LMNTD2: variants seen among roughly 807,000 people sequenced by gnomAD.
LMNTD2 encodes the protein lamin tail domain-containing protein 2.
In LMNTD2, 83 loss-of-function variants were observed where a neutral mutation model predicts 70.1. The ratio of observed to expected loss-of-function variants is 1.18; its 90% CI spans 0.99 to 1.42. LMNTD2 has a LOEUF of 1.42. LMNTD2 is among the 40% of genes most tolerant of loss of function. LMNTD2 has a pLI of 0.00. For synonymous variants in LMNTD2, 534 were observed against 406.1 expected (o/e 1.31, Z -3.79); for missense variants, 1,153 against 905.9 (o/e 1.27, Z -3.50).
Position 555,914 on chromosome 11 carries a change from C to T in LMNTD2, c.1394G>A (p.Arg465Gln), listed in dbSNP as rs758140960. The change falls in exon 12 of 14, where the codon CGG becomes CAG. Residue 465 changes from arginine (R) to glutamine (Q), a missense_variant. Arg to Gln is a conservative substitution (Grantham distance 43). Transcript: ENST00000329451. ...GGCCGGAGTCTCGCGGCGTGGGATC[C>T]GGTGCTCACTGAGGACCTGCGGGGC... Reference protein sequence around the residue: ...SPKGEVLSEHRIPRRETPAPR... With the variant: ...SPKGEVLSEHQIPRRETPAPR... 11 of 1,564,786 alleles carry T rather than the reference C, an allele frequency of 7.0e-6. No individual in the cohort carries two copies. Among genetic ancestry groups the T allele is most frequent in the South Asian group, 6.9e-5 (6 of 86,626 alleles).
Position 555,304 on chromosome 11 carries a change from C to T in LMNTD2, c.1773+1G>A. 7.1e-7 allele frequency: 1 copy of T among 1,413,408 alleles called. No homozygotes were observed. The allele number at this position is 1,413,408 out of a possible 1,614,324, so 87.6% of individuals were successfully genotyped here. On this transcript the variant is annotated splice_donor_variant, in intron 13 of 13. Coordinates refer to ENST00000329451, the MANE Select transcript of LMNTD2 (RefSeq NM_173573.3). LOFTEE classifies it high-confidence loss of function. ...GGGCGCACCCGCAAGCGCGCACTCA[C>T]CCGAACTCGGTGTTCTTTCTGGAGC...
intron 7 of LMNTD2, 36 bp from the exon 8 acceptor site, chr11:557,133 T>C: frequency 6.5e-7 from 1 of 1,546,274 alleles, no homozygotes; most frequent in South Asian, 1.2e-5. Context: ...CCACTCCAGC[T>C]CCAGACCCCA....
rs1554892630 is a variant in LMNTD2, at chr11:555,170, A to AGGGGC, written c.1774-60_1774-59insGCCCC. 1,254 of 202,120 alleles carry AGGGGC rather than the reference A, an allele frequency of 6.2e-3. 14 individuals are homozygous for AGGGGC. The highest frequency in any genetic ancestry group is 0.045 in the Admixed American group (327 of 7,246). 12.5% of individuals were successfully genotyped at this position (202,120 alleles called of 1,614,324 possible). On this transcript the variant is annotated intron_variant, in intron 13 of 13. Transcript: ENST00000329451. ...CGGGGCGGGGACGGGAGGGGAGGGG[A>AGGGGC]GGGGAGGAGAGGGGAGGGGCGGGGA...
In LMNTD2 at chr11:555,964, C is replaced by T. The variant is rs762942330; in HGVS notation, c.1377+32G>A. Reference sequence around the variant, plus strand: ...CGCGTCGGTCACCCCCACACCCCAGCCCCGGCCGCCCCACCGGGGACCCGC... The same window carrying T: ...CGCGTCGGTCACCCCCACACCCCAGTCCCGGCCGCCCCACCGGGGACCCGC... On this transcript the variant is annotated intron_variant, in intron 11 of 13. Coordinates refer to ENST00000329451, the MANE Select transcript of LMNTD2 (RefSeq NM_173573.3). 27 of 1,550,794 alleles carry T rather than the reference C, an allele frequency of 1.7e-5. No individual in the cohort carries two copies. The Middle Eastern group carries it at 1.1e-3, about 64-fold the overall frequency.
In LMNTD2 at chr11:555,322, T is replaced by C; in HGVS notation, c.1756A>G (p.Lys586Glu). The change falls in exon 13 of 14, where the codon AAA becomes GAA. Residue 586 changes from lysine (K) to glutamate (E), a missense_variant. Physicochemically the swap from Lys to Glu is moderately conservative, Grantham distance 56. Coordinates refer to ENST00000329451, the MANE Select transcript of LMNTD2 (RefSeq NM_173573.3). The stretch of plus-strand genomic sequence containing the variant: ...GCACTCACCCGAACTCGGTGTTCTT[T>C]CTGGAGCCGACAGTCCTCCAGGCCC... ...GLGLEDCRLQ[K>E]EHRVRVCRKS... is the part of the protein sequence containing the mutation. 3 of 1,419,852 alleles carry C rather than the reference T, an allele frequency of 2.1e-6. No homozygotes were observed. The highest frequency in any genetic ancestry group is 2.8e-6 in the Non-Finnish European group (3 of 1,089,292). 88.0% of individuals were successfully genotyped at this position (1,419,852 alleles called of 1,614,324 possible). A position where few individuals can be genotyped will look rare whatever the true frequency, so the allele number is the denominator to read the frequency against.
At chr11:558,073 G>T (rs534237074) in intron 4 of LMNTD2, 34 bp from the exon 5 acceptor site, 2 of 1,588,692 alleles carry the variant, frequency 1.3e-6, no homozygotes, top group South Asian at 2.3e-5. Flanking sequence ...GGTGGTGGGG[G>T]GGTGTCTTCT....
intron 5 of LMNTD2, 86 bp from the exon 6 acceptor site, chr11:557,726 G>T: frequency 1.2e-6 from 2 of 1,600,200 alleles, no homozygotes; most frequent in Non-Finnish European, 1.7e-6. Context: ...TGTGCTTTGA[G>T]GCCTCCTGAT....
rs775105805 is a variant in LMNTD2 at position 556,010 on chromosome 11, T to G, written c.1363A>C (p.Ser455Arg). 5.1e-6 allele frequency: 8 copies of G among 1,558,434 alleles called. No homozygotes were observed. The highest frequency in any genetic ancestry group is 6.9e-6 in the Non-Finnish European group (8 of 1,162,570). Residue 455 changes from serine (S) to arginine (R), a missense_variant, in exon 11 of 14, where the codon AGC becomes CGC. Transcript: ENST00000329451. ...SIRGCATLLL[S>R]PKGEVLSEHR... ...CCCGCACCGACCTCGCCCTTGGGGC[T>G]CAGGAGCAGCGTCGCGCAGCCGCGG... is the stretch of plus-strand genomic sequence containing the variant.
At chr11:557,320 C>A in intron 7 of LMNTD2, 79 bp downstream of exon 7, 1 of 1,468,134 alleles carries the variant, frequency 6.8e-7, no homozygotes, top group Middle Eastern at 1.7e-4. Context: ...CTAAATGGTC[C>A]TTTAGTGTCC....
intron 13 of LMNTD2, 76 bp downstream of exon 13, chr11:555,229 G>GT: frequency 9.0e-7 from 1 of 1,112,128 alleles, no homozygotes; most frequent in Non-Finnish European, 1.2e-6. Flanking sequence ...GGAGACAGAG[G>GT]GGAGGGAGGG....
At position 555,511 on chromosome 11, in the gene LMNTD2, G is replaced by A; in HGVS notation, c.1575-8C>T. On this transcript the variant is annotated splice_region_variant and splice_polypyrimidine_tract_variant and intron_variant, in intron 12 of 13. Transcript: ENST00000329451. ...GGCAGCAGGCCCCGCGTCCTGGTGGGGCGAGGGTCGTGAGGGCGGCGGCCG... is the reference window on the plus strand; with the variant it reads ...GGCAGCAGGCCCCGCGTCCTGGTGGAGCGAGGGTCGTGAGGGCGGCGGCCG... The A allele has an allele frequency of 7.3e-7, 1 of 1,361,084 alleles. No individual in the cohort carries two copies. The allele number at this position is 1,361,084 out of a possible 1,614,324, so 84.3% of individuals were successfully genotyped here. A position where few individuals can be genotyped will look rare whatever the true frequency, so the allele number is the denominator to read the frequency against.
In LMNTD2 at chr11:556,899, C is replaced by G. The variant is rs769251801; in HGVS notation, c.912G>C (p.Arg304=). The G allele has an allele frequency of 6.3e-7, 1 of 1,593,842 alleles. No individual in the cohort carries two copies. The change falls in exon 8 of 14, where the codon CGG becomes CGC. Residue 304 remains arginine (R), a synonymous_variant. Transcript: ENST00000329451. The part of the protein sequence containing the change: ...SFVQVIGHPP[R]DHRASSEQAL... ...CTTGCTCGGAGGAAGCGCGGTGGTC[C>G]CGGGGCGGGTGCCCTATCACCTGCA...
At position 556,925 on chromosome 11, in the gene LMNTD2, C is replaced by CGAAGGAAGGCAGGCCCG. The variant is rs770338334; in HGVS notation, c.869_885dup (p.Val296ArgfsTer9). On this transcript the variant is annotated frameshift_variant, in exon 8 of 14. Transcript: ENST00000329451. LOFTEE classifies it high-confidence loss of function. The stretch of plus-strand genomic sequence containing the variant: ...CGGGGCGGGTGCCCTATCACCTGCA[C>CGAAGGAAGGCAGGCCCG]GAAGGAAGGCAGGCCCGGCCGGCAG... The CGAAGGAAGGCAGGCCCG allele has an allele frequency of 8.8e-6, 14 of 1,598,680 alleles. No individual in the cohort carries two copies. Among genetic ancestry groups the CGAAGGAAGGCAGGCCCG allele is most frequent in the Middle Eastern group, 1.7e-4 (1 of 6,032 alleles).
chr11:559,313 C>T lies in LMNTD2; in HGVS notation c.35-334G>A, dbSNP rs2290917. The T allele has an allele frequency of 1.1e-3, 1,588 of 1,397,702 alleles. 35 individuals are homozygous for T. The East Asian group carries it at 0.048, about 42-fold the overall frequency. The allele number at this position is 1,397,702 out of a possible 1,614,324, so 86.6% of individuals were successfully genotyped here. A position where few individuals can be genotyped will look rare whatever the true frequency, so the allele number is the denominator to read the frequency against. On this transcript the variant is annotated intron_variant, in intron 1 of 13. Transcript: ENST00000329451. ...TGGTGTCCCTCTTTCTCTCTCTTGTCCCCCCAGCTCAGGGCCCTACCCCCA... is the reference window on the plus strand; with the variant it reads ...TGGTGTCCCTCTTTCTCTCTCTTGTTCCCCCAGCTCAGGGCCCTACCCCCA...
chr11:557,403 G>C lies in LMNTD2; in HGVS notation c.709C>G (p.Gln237Glu). 6.2e-7 allele frequency: 1 copy of C among 1,601,074 alleles called. No homozygotes were observed. The highest frequency in any genetic ancestry group is 8.5e-7 in the Non-Finnish European group (1 of 1,173,462). The change falls in exon 7 of 14, where the codon CAA becomes GAA. Residue 237 changes from glutamine to glutamate, a missense_variant. Gln to Glu is a conservative substitution (Grantham distance 29). Coordinates refer to ENST00000329451, the MANE Select transcript of LMNTD2 (RefSeq NM_173573.3). ...GTCCCTGCTCTGTGCAGTTACTTTTGCTTTGAGCTGGGCTCCATGTTGGTG... is the reference window on the plus strand; with the variant it reads ...GTCCCTGCTCTGTGCAGTTACTTTTCCTTTGAGCTGGGCTCCATGTTGGTG... ...LFTNMEPSSK[Q>E]KQPRPWPQLD...
chr11:556,413 G>T, intron 9 of LMNTD2, 38 bp from the exon 10 acceptor site: 1 of 1,541,772 alleles, frequency 6.5e-7, no homozygotes. Context: ...GATGCGGCCG[G>T]TCCACCCGCA....
chr11:555,606 A>ACCAGGGGGCGG (rs1387493793), intron 12 of LMNTD2, 103 bp from the exon 13 acceptor site: 60 of 1,251,310 alleles, frequency 4.8e-5, no homozygotes, highest in Non-Finnish European at 6.2e-5. Context: ...GTACTGGAGG[A>ACCAGGGGGCGG]CCAGGGGGCG....
Position 556,975 on chromosome 11 carries a change from CCT to C in LMNTD2, c.834_835del (p.Gly280ArgfsTer2). The C allele has an allele frequency of 6.2e-7, 1 of 1,606,926 alleles. No individual in the cohort carries two copies. Among genetic ancestry groups the C allele is most frequent in the Non-Finnish European group, 8.5e-7 (1 of 1,179,076 alleles). ...GCTGCTGGAGTCGGAGTCAGCGCCCCCTGAGCTGCTGGTGTTCAGACAGGGCA... is the reference window on the plus strand; with the variant it reads ...GCTGCTGGAGTCGGAGTCAGCGCCCCGAGCTGCTGGTGTTCAGACAGGGCA... On this transcript the variant is annotated frameshift_variant, in exon 8 of 14. Transcript: ENST00000329451. LOFTEE classifies it high-confidence loss of function.
chr11:557,999 CGGGTGGTCTGCAGCAG>C lies in LMNTD2; in HGVS notation c.424_439del (p.Leu142AlafsTer40), dbSNP rs1853009485. ...CTCGGCCTCCATCTCCTGGAGCGTG[CGGGTGGTCTGCAGCAG>C]CCGCTCCTCCAGGTGCTCCTTCTCC... On this transcript the variant is annotated frameshift_variant, in exon 5 of 14. Transcript: ENST00000329451. LOFTEE classifies it high-confidence loss of function. The C allele has an allele frequency of 6.3e-7, 1 of 1,591,518 alleles. No homozygotes were observed. The highest frequency in any genetic ancestry group is 8.6e-7 in the Non-Finnish European group (1 of 1,166,882).
Sources: gnomAD v4.1 joint callset for allele counts on GRCh38, gnomAD v4.1.1 for gene constraint, MANE v1.5 for transcripts, NCBI Gene and HGNC (gene_info 2026-07-23, HGNC 2026-07-21) for gene names.